Variants in BNC2 observed in about 807,000 individuals in gnomAD.
BNC2 encodes basonuclin zinc finger protein 2.
In BNC2, 20 loss-of-function variants were observed where a neutral mutation model predicts 76.3. The ratio of observed to expected loss-of-function variants is 0.26; its 90% CI spans 0.18 to 0.38. The LOEUF (loss-of-function observed/expected upper bound fraction) is 0.38, where lower values mean the gene tolerates loss of function less well. Among genes scored for constraint, BNC2 ranks in the 10% least tolerant of loss-of-function variants. BNC2 has a pLI of 1.00. For missense variants in BNC2, 1,382 were observed against 1,399.8 expected, an observed-to-expected ratio of 0.99 and a Z score of 0.20; for synonymous variants, 582 against 514.8, an observed-to-expected ratio of 1.13 and a Z score of -1.77.
chr9:16,769,450 G>T lies in BNC2; in HGVS notation c.4-30965C>A, dbSNP rs1220146054. Among the ~76,000 whole-genome samples, 4 of 152,310 alleles carry T rather than the reference G, an allele frequency of 2.6e-5. No individual in the cohort carries two copies. The East Asian group carries it at 7.7e-4, about 29-fold the overall frequency. On this transcript the variant is annotated intron_variant, in intron 1 of 6. Transcript: ENST00000380672. ...CACTCAGTCAGTGAAAAGACTAACAGTGTCACCTGGTTAATAAGTGATGGG... is the reference window on the plus strand; with the variant it reads ...CACTCAGTCAGTGAAAAGACTAACATTGTCACCTGGTTAATAAGTGATGGG...
At chr9:16,471,326 C>T (rs1446491184) in intron 5 of BNC2, among the ~76,000 whole-genome samples, 1 of 147,924 alleles carries the variant, frequency 6.8e-6, no homozygotes, top group Non-Finnish European at 1.5e-5. Context: ...TAGAGTCTCA[C>T]TCTGTTGCCC....
intron 3 of BNC2, among the ~76,000 whole-genome samples, chr9:16,618,052 T>G (rs929206007): frequency 2.6e-5 from 4 of 152,186 alleles, no homozygotes; most frequent in African/African-American, 9.7e-5. Context: ...TAAAAGCAAC[T>G]TTCGGGGCTA....
intron 1 of BNC2, among the ~76,000 whole-genome samples, chr9:16,837,931 A>C (rs1818744410): frequency 6.6e-6 from 1 of 152,096 alleles, no homozygotes; most frequent in Admixed American, 6.6e-5. Flanking sequence ...TCTGTCTAAA[A>C]AAAAAAACAA....
chr9:16,674,649 T>C (rs570781987), intron 3 of BNC2, among the ~76,000 whole-genome samples: 1 of 152,228 alleles, frequency 6.6e-6, no homozygotes, highest in Non-Finnish European at 1.5e-5. Flanking sequence ...AGATATCAGC[T>C]ATATCATCTG....
intron 3 of BNC2, among the ~76,000 whole-genome samples, chr9:16,617,329 T>C (rs1387605315): frequency 2.6e-5 from 4 of 152,074 alleles, no homozygotes; most frequent in Admixed American, 2.6e-4. Flanking sequence ...AAAATACAAT[T>C]GAAAACATCA....
In BNC2 at chr9:16,436,963, C is replaced by T. The variant is rs763726219; in HGVS notation, c.1231G>A (p.Val411Ile). ...CVSPIQNSAP[V>I]SDLTKTEHPK... ...TGTTCAGTTTTGGTTAGATCACTGA[C>T]TGGGGCAGAATTCTGAATGGGAGAG... is the stretch of plus-strand genomic sequence containing the variant. Residue 411 changes from valine (V) to isoleucine (I), a missense_variant, in exon 6 of 7, where the codon GTC (valine) becomes ATC (isoleucine). Transcript: ENST00000380672. The T allele has an allele frequency of 1.9e-6, 3 of 1,614,010 alleles. No individual in the cohort carries two copies. The highest frequency in any genetic ancestry group is 3.3e-5 in the Admixed American group (2 of 59,996).
chr9:16,498,562 C>T (rs1446986254), intron 5 of BNC2, among the ~76,000 whole-genome samples: 2 of 151,532 alleles, frequency 1.3e-5, no homozygotes, highest in Non-Finnish European at 2.9e-5. Context: ...AAATATGGTA[C>T]AGTGTATACG....
chr9:16,415,413 A>G lies in BNC2; in HGVS notation c.*3576T>C, dbSNP rs2296863. 16,201 of 152,676 alleles carry G rather than the reference A, an allele frequency of 0.11. 1,141 individuals carry two copies. The highest frequency in any genetic ancestry group is 0.2 in the African/African-American group (8,226 of 41,512). 9.5% of individuals were successfully genotyped at this position (152,676 alleles called of 1,614,324 possible). A position where few individuals can be genotyped will look rare whatever the true frequency, so the allele number is the denominator to read the frequency against. On this transcript the variant is annotated 3_prime_UTR_variant, in exon 7 of 7. Coordinates refer to ENST00000380672, the MANE Select transcript of BNC2 (RefSeq NM_017637.6). ...GCACAGTCATACCGCCTAATTTTGT[A>G]CCTGTGATAAACTCTGGCTAAAACC...
intron 4 of BNC2, among the ~76,000 whole-genome samples, chr9:16,553,144 C>T (rs944818201): frequency 6.6e-6 from 1 of 152,134 alleles, no homozygotes; most frequent in Non-Finnish European, 1.5e-5. Flanking sequence ...CCCTACCCCC[C>T]ACCAAAAACA....
chr9:16,690,606 G>T (rs1310757663), intron 3 of BNC2, among the ~76,000 whole-genome samples: 1 of 152,162 alleles, frequency 6.6e-6, no homozygotes, highest in Non-Finnish European at 1.5e-5. Context: ...TACATTCATT[G>T]TTATAGAGTC....
chr9:16,756,251 T>C (rs942831071), intron 1 of BNC2, among the ~76,000 whole-genome samples: 1 of 152,226 alleles, frequency 6.6e-6, no homozygotes, highest in Non-Finnish European at 1.5e-5. Context: ...ATATTCTCTC[T>C]CTCTTCGCTG....
chr9:16,794,502 T>C (rs1817594304), intron 1 of BNC2, among the ~76,000 whole-genome samples: 1 of 152,158 alleles, frequency 6.6e-6, no homozygotes, highest in African/African-American at 2.4e-5. Context: ...TCAATTATTC[T>C]AAAAGATCCG....
chr9:16,759,206 T>C (rs1324087925), intron 1 of BNC2, among the ~76,000 whole-genome samples: 2 of 152,194 alleles, frequency 1.3e-5, no homozygotes, highest in Non-Finnish European at 2.9e-5. Context: ...ATACAAAAAA[T>C]CGAGGCAATT....
intron 1 of BNC2, among the ~76,000 whole-genome samples, chr9:16,744,135 T>C (rs1824933313): frequency 6.6e-6 from 1 of 151,664 alleles, no homozygotes; most frequent in Non-Finnish European, 1.5e-5. Flanking sequence ...CCCGGCTAAT[T>C]TTTTTTTGTA....
intron 3 of BNC2, among the ~76,000 whole-genome samples, chr9:16,588,445 T>C (rs1212595951): frequency 6.6e-6 from 1 of 152,214 alleles, no homozygotes; most frequent in Non-Finnish European, 1.5e-5. Context: ...TGTTTTACTA[T>C]TATGGTTCAG....
At chr9:16,736,562 G>A (rs1257101710) in intron 2 of BNC2, among the ~76,000 whole-genome samples, 4 of 149,558 alleles carry the variant, frequency 2.7e-5, no homozygotes, top group African/African-American at 9.8e-5. Context: ...TGCAATCTCC[G>A]CCTCCCAGGT....
At chr9:16,492,882 T>G (rs1343035100) in intron 5 of BNC2, among the ~76,000 whole-genome samples, 1 of 152,122 alleles carries the variant, frequency 6.6e-6, no homozygotes, top group African/African-American at 2.4e-5. Flanking sequence ...CGTTGTGTCT[T>G]AAGTCAACTT....
At chr9:16,700,242 C>A (rs1185142194) in intron 3 of BNC2, among the ~76,000 whole-genome samples, 2 of 152,106 alleles carry the variant, frequency 1.3e-5, no homozygotes, top group African/African-American at 4.8e-5. Flanking sequence ...AAAATTTATA[C>A]CCTGAAAATT....
At chr9:16,700,941 A>G (rs1823492818) in intron 3 of BNC2, among the ~76,000 whole-genome samples, 1 of 152,210 alleles carries the variant, frequency 6.6e-6, no homozygotes, top group Non-Finnish European at 1.5e-5. Flanking sequence ...GAATAAATAA[A>G]TAAATAATAA....
Sources: allele counts gnomAD v4.1 joint callset (sites outside exome capture counted in the v4.1 genomes callset), GRCh38; gene constraint gnomAD v4.1.1; transcripts MANE v1.5; gene names NCBI Gene and HGNC (gene_info 2026-07-23, HGNC 2026-07-21).